HYAL4: variants seen among roughly 807,000 people sequenced by gnomAD.
The protein encoded by HYAL4 is hyaluronidase 4.
HYAL4 carries 37 observed loss-of-function variants against 35.2 expected under a neutral mutation model. That is an observed-to-expected ratio of 1.05 (90% CI 0.81 to 1.38). The LOEUF (loss-of-function observed/expected upper bound fraction) is 1.38, where lower values mean the gene tolerates loss of function less well. Among genes scored for constraint, HYAL4 ranks in the 40% most tolerant of loss-of-function variants. The probability of loss-of-function intolerance (pLI) is 0.00; values close to 1 mark genes in which losing one functional copy is unlikely to be tolerated. For missense variants in HYAL4, 572 were observed against 572.4 expected (o/e 1.00, Z 0.01); for synonymous variants, 198 against 203.2 (o/e 0.97, Z 0.22).
chr7:123,825,607 T>C (rs1805793644), upstream of HYAL4, among the ~76,000 whole-genome samples: 1 of 152,094 alleles, frequency 6.6e-6, no homozygotes, highest in Non-Finnish European at 1.5e-5. Context: ...AATAGTTTTA[T>C]GATAAGGGCT....
intron 1 of HYAL4, among the ~76,000 whole-genome samples, chr7:123,834,437 T>C (rs1203266995): frequency 1.3e-5 from 2 of 152,222 alleles, no homozygotes; most frequent in East Asian, 3.8e-4. Flanking sequence ...ATTAATTTTG[T>C]ATCCAGAAAC....
intron 2 of HYAL4, among the ~76,000 whole-genome samples, chr7:123,862,903 G>A (rs543677454): frequency 6.6e-6 from 1 of 152,174 alleles, no homozygotes; most frequent in Admixed American, 6.5e-5. Flanking sequence ...GTACCTATAA[G>A]CCCCAACAAG....
rs747601415 is a variant in HYAL4, at chr7:123,868,332, C to T, written c.59C>T (p.Thr20Ile). The T allele has an allele frequency of 2.5e-6, 4 of 1,595,896 alleles. No individual in the cohort carries two copies. The East Asian group carries it at 8.9e-5, about 36-fold the overall frequency. Residue 20 changes from threonine (T) to isoleucine (I), a missense_variant, in exon 3 of 5, where the codon ACT (threonine) becomes ATT (isoleucine). By Grantham distance (89) the Thr-to-Ile change is moderately conservative. Transcript: ENST00000223026. Reference sequence around the variant, plus strand: ...TGTGTTGTTCAACCAGTACATCTCACTTCATGGCTCCTTATATTTTTTATT... The same window carrying T: ...TGTGTTGTTCAACCAGTACATCTCATTTCATGGCTCCTTATATTTTTTATT... ...KLCVVQPVHL[T>I]SWLLIFFILK...
At chr7:123,779,028 G>T in the HYAL4 span, among the ~76,000 whole-genome samples, 2 of 151,882 alleles carry the variant, frequency 1.3e-5, no homozygotes, top group Non-Finnish European at 2.9e-5. Flanking sequence ...TTGTTTGTTT[G>T]TTTTGGAAAA....
chr7:123,825,871 A>T (rs1805797862), upstream of HYAL4, among the ~76,000 whole-genome samples: 1 of 151,818 alleles, frequency 6.6e-6, no homozygotes, highest in Admixed American at 6.6e-5. Flanking sequence ...ATTTCTTTTC[A>T]TGAGATTGCT....
intron 2 of HYAL4, among the ~76,000 whole-genome samples, chr7:123,866,993 G>C (rs1806706221): frequency 6.6e-6 from 1 of 152,136 alleles, no homozygotes; most frequent in Non-Finnish European, 1.5e-5. Flanking sequence ...GTTTCCCCAT[G>C]TTGGCCAGGA....
At chr7:123,814,353 G>T in the HYAL4 span, 2 of 152,422 alleles carry the variant, frequency 1.3e-5, no homozygotes, top group African/African-American at 4.8e-5. Flanking sequence ...ACTCAGAGTG[G>T]GTCAAAAATT....
At chr7:123,804,602 C>T in the HYAL4 span, among the ~76,000 whole-genome samples, 1 of 151,602 alleles carries the variant, frequency 6.6e-6, no homozygotes, top group South Asian at 2.1e-4. Context: ...GTATATGTTT[C>T]CTTCCTTCCA....
upstream of HYAL4, among the ~76,000 whole-genome samples, chr7:123,826,056 A>G (rs1165651448): frequency 6.6e-6 from 1 of 151,982 alleles, no homozygotes; most frequent in Non-Finnish European, 1.5e-5. Context: ...TAGAAGATAA[A>G]CTTCCACAAA....
intron 2 of HYAL4, among the ~76,000 whole-genome samples, chr7:123,849,134 G>A (rs1319905210): frequency 6.6e-6 from 1 of 152,036 alleles, no homozygotes; most frequent in Non-Finnish European, 1.5e-5. Context: ...ATAATGATGG[G>A]GAAAATGCTG....
At chr7:123,774,318 C>T in the HYAL4 span, among the ~76,000 whole-genome samples, 4 of 152,204 alleles carry the variant, frequency 2.6e-5, no homozygotes, top group African/African-American at 4.8e-5. Flanking sequence ...GGATTATAGG[C>T]GTGAGCCACC....
At chr7:123,821,683 T>A in the HYAL4 span, among the ~76,000 whole-genome samples, 1 of 152,232 alleles carries the variant, frequency 6.6e-6, no homozygotes, top group Non-Finnish European at 1.5e-5. Flanking sequence ...TTTTGTTGCC[T>A]GTCCTTTTGG....
At position 123,876,947 on chromosome 7, in the gene HYAL4, G is replaced by A; in HGVS notation, c.1238G>A (p.Gly413Glu). 1.2e-6 allele frequency: 2 copies of A among 1,614,126 alleles called. 1 individual carries two copies. Among genetic ancestry groups the A allele is most frequent in the South Asian group, 2.2e-5 (2 of 91,076 alleles). Residue 413 changes from glycine (G) to glutamate (E), a missense_variant, in exon 5 of 5, where the codon GGG becomes GAG. Coordinates refer to ENST00000223026, the MANE Select transcript of HYAL4 (RefSeq NM_012269.3). ...TACCACATAGAGGCCTCTGAGGACG[G>A]GGAGTTTACTGTGAAAGGAAAAGCA... ...ASYHIEASED[G>E]EFTVKGKASD...
At chr7:123,827,982 C>T (rs984084847), upstream of HYAL4, among the ~76,000 whole-genome samples, 3 of 152,288 alleles carry the variant, frequency 2.0e-5, no homozygotes, top group African/African-American at 4.8e-5. Context: ...CTGCCAGGCT[C>T]TTCTGGATTA....
chr7:123,835,548 C>G (rs1264848128), intron 1 of HYAL4, among the ~76,000 whole-genome samples: 1 of 151,918 alleles, frequency 6.6e-6, no homozygotes, highest in Non-Finnish European at 1.5e-5. Context: ...TTTCATTTAT[C>G]TTTTGTATTT....
At chr7:123,833,060 G>A (rs1365835807) in intron 1 of HYAL4, among the ~76,000 whole-genome samples, 2 of 152,020 alleles carry the variant, frequency 1.3e-5, no homozygotes, top group African/African-American at 4.8e-5. Context: ...CTCTAAACAT[G>A]CATGTGCAAT....
At chr7:123,775,595 T>C in the HYAL4 span, among the ~76,000 whole-genome samples, 2 of 152,208 alleles carry the variant, frequency 1.3e-5, no homozygotes, top group Non-Finnish European at 2.9e-5. Flanking sequence ...CTTTGTACCA[T>C]GTATAAAATG....
the HYAL4 span, among the ~76,000 whole-genome samples, chr7:123,801,986 T>C: frequency 1.3e-5 from 2 of 152,204 alleles, no homozygotes; most frequent in African/African-American, 4.8e-5. Context: ...TAGAATAGTA[T>C]GGAAAACACT....
chr7:123,863,680 A>G (rs1389933944), intron 2 of HYAL4, among the ~76,000 whole-genome samples: 1 of 152,166 alleles, frequency 6.6e-6, no homozygotes, highest in African/African-American at 2.4e-5. Context: ...ATCTTAGACA[A>G]TATTTAAAAG....
Sources: gnomAD v4.1 joint callset for allele counts (sites outside exome capture counted in the v4.1 genomes callset) on GRCh38, gnomAD v4.1.1 for gene constraint, MANE v1.5 for transcripts, NCBI Gene and HGNC (gene_info 2026-07-23, HGNC 2026-07-21) for gene names.